The following PANX1 variants were observed in gnomAD, a reference collection of about 807,000 sequenced individuals.
PANX1 encodes the protein pannexin-1.
Under a neutral mutation model 38.7 loss-of-function variants are expected in PANX1, and 30 were observed. The observed-to-expected ratio is 0.78, with a 90% CI of 0.58 to 1.05. The LOEUF (loss-of-function observed/expected upper bound fraction) is 1.05. Among genes scored for constraint, PANX1 ranks in the 50% least tolerant of loss-of-function variants. The pLI is 0.00. For missense variants in PANX1, 551 were observed against 517.2 expected (o/e 1.07, Z -0.63); for synonymous variants, 230 against 212.2 (o/e 1.08, Z -0.73).
rs1947308693 is a variant in PANX1, at chr11:94,181,827, G to A, written c.*958G>A. ...GCGTGCTTGGAGCCAGAAAAACTTAGCGGTTTATTTTGTTTATATTTAAGC... is the reference window on the plus strand; with the variant it reads ...GCGTGCTTGGAGCCAGAAAAACTTAACGGTTTATTTTGTTTATATTTAAGC... On this transcript the variant is annotated 3_prime_UTR_variant, in exon 5 of 5. Transcript: ENST00000227638. The A allele has an allele frequency of 6.6e-6, 1 of 152,174 alleles. No homozygotes were observed. 9.4% of individuals were successfully genotyped at this position (152,174 alleles called of 1,614,324 possible). A position where few individuals can be genotyped will look rare whatever the true frequency, so the allele number is the denominator to read the frequency against.
At chr11:94,152,562 T>C (rs1565377289) in intron 1 of PANX1, among the ~76,000 whole-genome samples, 1 of 151,640 alleles carries the variant, frequency 6.6e-6, no homozygotes, top group Non-Finnish European at 1.5e-5. Flanking sequence ...ATGTGCCAGG[T>C]GGGGACAGGG....
At chr11:94,160,779 T>A (rs921740388) in intron 2 of PANX1, among the ~76,000 whole-genome samples, 1 of 152,218 alleles carries the variant, frequency 6.6e-6, no homozygotes, top group African/African-American at 2.4e-5. Context: ...TGATGTTAGC[T>A]GGTTATTTTG....
intron 1 of PANX1, among the ~76,000 whole-genome samples, chr11:94,152,264 T>C (rs1269421985): frequency 6.6e-6 from 1 of 152,276 alleles, no homozygotes; most frequent in East Asian, 1.9e-4. Flanking sequence ...GCAAGTTTTG[T>C]TTTTTGTTTT....
intron 2 of PANX1, among the ~76,000 whole-genome samples, chr11:94,162,646 T>C (rs1947057711): frequency 6.6e-6 from 1 of 152,150 alleles, no homozygotes; most frequent in African/African-American, 2.4e-5. Flanking sequence ...AAAGGGAATT[T>C]CCTGACCCCT....
chr11:94,175,520 C>T (rs374642765), intron 2 of PANX1, among the ~76,000 whole-genome samples: 4 of 151,624 alleles, frequency 2.6e-5, no homozygotes, highest in African/African-American at 4.9e-5. Flanking sequence ...GGGAACAGTT[C>T]GAAGTGAAAT....
chr11:94,174,945 G>A (rs1947215238), intron 2 of PANX1, among the ~76,000 whole-genome samples: 2 of 151,738 alleles, frequency 1.3e-5, no homozygotes, highest in Admixed American at 6.5e-5. Flanking sequence ...ACTGAAAATT[G>A]TAGTTGGACA....
chr11:94,160,043 T>G (rs576919460), intron 2 of PANX1, among the ~76,000 whole-genome samples: 19 of 152,238 alleles, frequency 1.2e-4, no homozygotes, highest in African/African-American at 4.6e-4. Flanking sequence ...CAGTTTTGAG[T>G]CAGTTTCTTA....
At position 94,144,217 on chromosome 11, in the gene PANX1, T is replaced by C. The variant is rs191345585; in HGVS notation, c.182-9274T>C. Among the ~76,000 whole-genome samples, 386 of 148,688 alleles carry C rather than the reference T, an allele frequency of 2.6e-3. 2 individuals carry two copies. The highest frequency in any genetic ancestry group is 8.9e-3 in the African/African-American group (339 of 38,100). Reference sequence around the variant, plus strand: ...AACATTTTTCTGAAGTCAATCCCTCTTCTTCTCCCTCCCCCATTTTTTTTC... The same window carrying C: ...AACATTTTTCTGAAGTCAATCCCTCCTCTTCTCCCTCCCCCATTTTTTTTC... On this transcript the variant is annotated intron_variant, in intron 1 of 4. Coordinates refer to ENST00000227638, the MANE Select transcript of PANX1 (RefSeq NM_015368.4).
At position 94,129,250 on chromosome 11, in the gene PANX1, C is replaced by A. The variant is rs924267584; in HGVS notation, c.-63C>A. 4 of 1,455,262 alleles carry A rather than the reference C, an allele frequency of 2.7e-6. No individual in the cohort carries two copies. In the African/African-American group the frequency reaches 5.7e-5, roughly 21 times the overall value. 90.1% of individuals were successfully genotyped at this position (1,455,262 alleles called of 1,614,324 possible). ...CCGGCCGGTGACTGGGTGAAGGCGC[C>A]GCGCAGCTTTCCCGACGCCGGCTGT... On this transcript the variant is annotated 5_prime_UTR_variant, in exon 1 of 5. Transcript: ENST00000227638.
chr11:94,176,691 A>G (rs541569157), intron 2 of PANX1, among the ~76,000 whole-genome samples: 4 of 151,768 alleles, frequency 2.6e-5, no homozygotes, highest in African/African-American at 9.7e-5. Flanking sequence ...GGCCTCGTCC[A>G]TTACAACTCT....
chr11:94,134,332 G>C (rs148327659), intron 1 of PANX1, among the ~76,000 whole-genome samples: 1 of 152,304 alleles, frequency 6.6e-6, no homozygotes, highest in African/African-American at 2.4e-5. Context: ...TTGATGGGGG[G>C]AGAGGTTTAG....
At chr11:94,136,661 A>G (rs987083387) in intron 1 of PANX1, among the ~76,000 whole-genome samples, 1 of 151,936 alleles carries the variant, frequency 6.6e-6, no homozygotes, top group African/African-American at 2.4e-5. Context: ...CCAGCTACTC[A>G]GGAGGCTGAG....
intron 1 of PANX1, among the ~76,000 whole-genome samples, chr11:94,139,780 A>G (rs1946739898): frequency 6.6e-6 from 1 of 152,190 alleles, no homozygotes; most frequent in Non-Finnish European, 1.5e-5. Flanking sequence ...TGTGCATCCC[A>G]ACTCCATGGG....
intron 1 of PANX1, among the ~76,000 whole-genome samples, chr11:94,130,768 C>T (rs1946620860): frequency 6.6e-6 from 1 of 152,050 alleles, no homozygotes; most frequent in African/African-American, 2.4e-5. Flanking sequence ...GTCAAACGTG[C>T]TGCGGAGGTT....
intron 1 of PANX1, among the ~76,000 whole-genome samples, chr11:94,144,172 C>T (rs1946798200): frequency 6.6e-6 from 1 of 152,090 alleles, no homozygotes; most frequent in Admixed American, 6.5e-5. Flanking sequence ...GCCCCTTGGC[C>T]TTAAATAGTC....
intron 1 of PANX1, among the ~76,000 whole-genome samples, chr11:94,149,371 G>A (rs1236541218): frequency 6.6e-6 from 1 of 152,194 alleles, no homozygotes; most frequent in Non-Finnish European, 1.5e-5. Context: ...CAGGCAGAAG[G>A]TGTGACCAGC....
At chr11:94,141,633 C>T (rs1030742681) in intron 1 of PANX1, among the ~76,000 whole-genome samples, 1 of 152,128 alleles carries the variant, frequency 6.6e-6, no homozygotes, top group Non-Finnish European at 1.5e-5. Flanking sequence ...TGTTTCACTT[C>T]TGAGCCCTCT....
chr11:94,146,072 A>G (rs887012606), intron 1 of PANX1, among the ~76,000 whole-genome samples: 6 of 152,212 alleles, frequency 3.9e-5, no homozygotes, highest in African/African-American at 1.4e-4. Context: ...AGAAATGGCC[A>G]GTTGCAGAGT....
chr11:94,144,603 C>G (rs753225667), intron 1 of PANX1, among the ~76,000 whole-genome samples: 3 of 152,102 alleles, frequency 2.0e-5, no homozygotes, highest in Non-Finnish European at 2.9e-5. Context: ...GCCTAGAGCT[C>G]GGGACCAGGT....
Sources: allele counts gnomAD v4.1 joint callset (sites outside exome capture counted in the v4.1 genomes callset), GRCh38; gene constraint gnomAD v4.1.1; transcripts MANE v1.5; gene names NCBI Gene and HGNC (gene_info 2026-07-23, HGNC 2026-07-21).